The following KCNQ5 variants were observed in gnomAD, a reference collection of about 807,000 sequenced individuals.
KCNQ5 encodes the protein potassium voltage-gated channel subfamily Q member 5, also known as potassium voltage-gated channel subfamily KQT member 5.
Under a neutral mutation model 98.2 loss-of-function variants are expected in KCNQ5, and 30 were observed. The observed-to-expected ratio is 0.31, with a 90% CI of 0.23 to 0.41. The LOEUF is 0.41. Ranked by LOEUF, KCNQ5 falls within the 10% of genes least tolerant of loss-of-function variation. The pLI, the probability that KCNQ5 is intolerant of heterozygous loss-of-function variation, is 1.00. For synonymous variants in KCNQ5, 458 were observed against 449.4 expected (o/e 1.02, Z -0.24); for missense variants, 835 against 1,182.5 (o/e 0.71, Z 4.31).
intron 1 of KCNQ5, among the ~76,000 whole-genome samples, chr6:72,865,035 C>G (rs1286829736): frequency 4.6e-5 from 7 of 152,188 alleles, no homozygotes; most frequent in Non-Finnish European, 8.8e-5. Flanking sequence ...ACCTGTAAGG[C>G]CTACATTACA....
chr6:73,159,784 C>T (rs1353220694), intron 10 of KCNQ5, among the ~76,000 whole-genome samples: 1 of 152,156 alleles, frequency 6.6e-6, no homozygotes, highest in East Asian at 1.9e-4. Flanking sequence ...GTTCCTTATA[C>T]ATTGTGGATA....
At chr6:72,860,873 G>GTA (rs1435739580) in intron 1 of KCNQ5, among the ~76,000 whole-genome samples, 1 of 149,958 alleles carries the variant, frequency 6.7e-6, no homozygotes, top group African/African-American at 2.4e-5. Context: ...GTGTGTGTGT[G>GTA]TATGTTTTAG....
chr6:72,918,192 TGC>T (rs1780245812), intron 1 of KCNQ5, among the ~76,000 whole-genome samples: 1 of 152,114 alleles, frequency 6.6e-6, no homozygotes, highest in Non-Finnish European at 1.5e-5. Context: ...AACTGGTGCA[TGC>T]ACTCCTCTCT....
intron 3 of KCNQ5, among the ~76,000 whole-genome samples, chr6:73,064,951 T>C (rs1772980386): frequency 6.6e-6 from 1 of 152,036 alleles, no homozygotes; most frequent in South Asian, 2.1e-4. Flanking sequence ...CCTCCTTCAG[T>C]CTGTAACCCA....
chr6:72,999,481 T>C (rs1374558180), intron 1 of KCNQ5, among the ~76,000 whole-genome samples: 3 of 152,214 alleles, frequency 2.0e-5, no homozygotes, highest in Non-Finnish European at 4.4e-5. Flanking sequence ...ATCCATCTTA[T>C]GATACCTCAG....
chr6:72,727,195 G>T (rs565854052), intron 1 of KCNQ5, among the ~76,000 whole-genome samples: 1 of 152,342 alleles, frequency 6.6e-6, no homozygotes, highest in South Asian at 2.1e-4. Context: ...TGCCATGGGG[G>T]CAAGAGGGAC....
chr6:72,711,807 A>G (rs918498139), intron 1 of KCNQ5, among the ~76,000 whole-genome samples: 1 of 152,196 alleles, frequency 6.6e-6, no homozygotes, highest in Non-Finnish European at 1.5e-5. Context: ...TGGGTTTTTC[A>G]GATGGAAGGA....
At chr6:73,140,448 C>T (rs1340461216) in intron 10 of KCNQ5, among the ~76,000 whole-genome samples, 1 of 152,144 alleles carries the variant, frequency 6.6e-6, no homozygotes, top group Non-Finnish European at 1.5e-5. Context: ...TCTGAAATTG[C>T]CTGATAATGA....
intron 1 of KCNQ5, among the ~76,000 whole-genome samples, chr6:72,981,690 C>T (rs553977650): frequency 1.0e-3 from 155 of 152,156 alleles, no homozygotes; most frequent in Middle Eastern, 3.4e-3. Context: ...TTATTCCTTG[C>T]CTTCTGCTAG....
chr6:73,144,504 A>G (rs1776846248), intron 10 of KCNQ5, among the ~76,000 whole-genome samples: 1 of 152,188 alleles, frequency 6.6e-6, no homozygotes, highest in East Asian at 1.9e-4. Context: ...ATTGGAATTG[A>G]TGACTAATCA....
rs183676698 is a variant in KCNQ5, at chr6:72,764,733, T to C, written c.398+142146T>C. On this transcript the variant is annotated intron_variant, in intron 1 of 13. Transcript: ENST00000370398. Reference sequence around the variant, plus strand: ...CATTCTCTCTATTTTTTGTACCCATTAACCATTCCTACTTCCCCCTGCCCC... The same window carrying C: ...CATTCTCTCTATTTTTTGTACCCATCAACCATTCCTACTTCCCCCTGCCCC... Among the ~76,000 whole-genome samples, 301 of 152,048 alleles carry C rather than the reference T, an allele frequency of 2.0e-3. 3 individuals are homozygous for C. The highest frequency in any genetic ancestry group is 0.013 in the Admixed American group (203 of 15,238).
chr6:73,024,485 GAATT>G (rs546453980), intron 2 of KCNQ5, among the ~76,000 whole-genome samples: 1 of 151,374 alleles, frequency 6.6e-6, no homozygotes, highest in Non-Finnish European at 1.5e-5. Context: ...CAAAAGAGAA[GAATT>G]AATTGCTTGG....
intron 1 of KCNQ5, among the ~76,000 whole-genome samples, chr6:72,847,953 A>G (rs922274324): frequency 4.6e-5 from 7 of 152,072 alleles, no homozygotes; most frequent in Non-Finnish European, 8.8e-5. Flanking sequence ...ATAATATATC[A>G]CAAGCCATGA....
At chr6:72,894,636 C>T (rs1779175314) in intron 1 of KCNQ5, among the ~76,000 whole-genome samples, 1 of 152,056 alleles carries the variant, frequency 6.6e-6, no homozygotes, top group African/African-American at 2.4e-5. Context: ...TTTATGATTC[C>T]TCATGGAGAC....
At chr6:73,148,166 G>A (rs111493223) in intron 10 of KCNQ5, among the ~76,000 whole-genome samples, 9 of 152,026 alleles carry the variant, frequency 5.9e-5, no homozygotes, top group Admixed American at 1.3e-4. Context: ...GCTTCACACC[G>A]TCACTCAAAA....
At chr6:72,982,354 T>C (rs982640480) in intron 1 of KCNQ5, among the ~76,000 whole-genome samples, 5 of 152,174 alleles carry the variant, frequency 3.3e-5, no homozygotes, top group Non-Finnish European at 5.9e-5. Context: ...TGGGTACATA[T>C]ATATTTAGGA....
chr6:72,760,030 C>T (rs1208852038), intron 1 of KCNQ5, among the ~76,000 whole-genome samples: 5 of 152,108 alleles, frequency 3.3e-5, no homozygotes, highest in Non-Finnish European at 7.4e-5. Context: ...CAATCCTGAG[C>T]AGAATGTACT....
chr6:72,964,731 T>C (rs1562097445), intron 1 of KCNQ5, among the ~76,000 whole-genome samples: 1 of 152,192 alleles, frequency 6.6e-6, no homozygotes, highest in Non-Finnish European at 1.5e-5. Flanking sequence ...GCTAACCCAC[T>C]AAAAATGTAT....
chr6:72,948,059 C>T (rs1375405100), intron 1 of KCNQ5, among the ~76,000 whole-genome samples: 2 of 152,044 alleles, frequency 1.3e-5, no homozygotes, highest in Non-Finnish European at 2.9e-5. Context: ...AATCAATTAA[C>T]GTAGCACCAC....
Sources: allele counts gnomAD v4.1 joint callset (sites outside exome capture counted in the v4.1 genomes callset), GRCh38; gene constraint gnomAD v4.1.1; transcripts MANE v1.5; gene names NCBI Gene and HGNC (gene_info 2026-07-23, HGNC 2026-07-21).